The following DCLK2 variants were observed in gnomAD, a reference collection of about 807,000 sequenced individuals.
The protein encoded by DCLK2 is serine/threonine-protein kinase DCLK2.
Under a neutral mutation model 78.4 loss-of-function variants are expected in DCLK2, and 31 were observed. The observed-to-expected ratio is 0.40, with a 90% CI of 0.30 to 0.53. DCLK2 has a LOEUF of 0.53. Among genes scored for constraint, DCLK2 ranks in the 20% least tolerant of loss-of-function variants. DCLK2 has a pLI of 0.61. For missense variants in DCLK2, 872 were observed against 973.7 expected (o/e 0.90, Z 1.39); for synonymous variants, 407 against 374.9 (o/e 1.09, Z -0.99).
At chr4:150,203,948 T>C (rs1481603878) in intron 5 of DCLK2, 59 bp downstream of exon 5, 13 of 1,511,106 alleles carry the variant, frequency 8.6e-6, no homozygotes, top group African/African-American at 1.4e-5. Flanking sequence ...TTTCATAGTT[T>C]AGCAGTTTAA....
chr4:150,253,584 G>A (rs933782094), intron 15 of DCLK2: 52 of 1,289,294 alleles, frequency 4.0e-5, no homozygotes, highest in South Asian at 1.4e-4. Context: ...TCCGACCAGC[G>A]CGCCCCATCC....
intron 2 of DCLK2, among the ~76,000 whole-genome samples, chr4:150,161,711 T>A (rs1735717446): frequency 6.6e-6 from 1 of 152,190 alleles, no homozygotes; most frequent in African/African-American, 2.4e-5. Flanking sequence ...TTTGTAAGTA[T>A]TTTATTACAT....
intron 11 of DCLK2, among the ~76,000 whole-genome samples, chr4:150,240,124 A>G (rs1173062080): frequency 1.3e-5 from 2 of 152,184 alleles, no homozygotes; most frequent in Non-Finnish European, 2.9e-5. Flanking sequence ...GACCTCAGGA[A>G]GCAGATTTTA....
At chr4:150,181,907 A>G (rs955815571) in intron 2 of DCLK2, among the ~76,000 whole-genome samples, 4 of 152,300 alleles carry the variant, frequency 2.6e-5, no homozygotes, top group Non-Finnish European at 5.9e-5. Flanking sequence ...GCCAAGGGTA[A>G]AGAAATGGGG....
chr4:150,109,904 G>A (rs959533247), intron 2 of DCLK2, among the ~76,000 whole-genome samples: 2 of 152,162 alleles, frequency 1.3e-5, no homozygotes, highest in African/African-American at 4.8e-5. Context: ...GTGGAGGGAG[G>A]TAGGGCTTAA....
intron 5 of DCLK2, among the ~76,000 whole-genome samples, chr4:150,211,777 G>A (rs182684633): frequency 8.0e-4 from 122 of 152,040 alleles, no homozygotes; most frequent in African/African-American, 2.5e-3. Context: ...TTTAATGCTC[G>A]TCTTCCTGAT....
chr4:150,098,993 C>T (rs1730680065), intron 1 of DCLK2, among the ~76,000 whole-genome samples: 2 of 152,028 alleles, frequency 1.3e-5, no homozygotes, highest in South Asian at 4.2e-4. Flanking sequence ...CCGTGCCTGG[C>T]CTCTCACACT....
intron 2 of DCLK2, among the ~76,000 whole-genome samples, chr4:150,139,445 A>G (rs903190025): frequency 6.6e-6 from 1 of 152,192 alleles, no homozygotes; most frequent in East Asian, 1.9e-4. Flanking sequence ...CTTTAACTTG[A>G]TAGCCTGGAT....
At chr4:150,189,393 TG>T (rs1233568028) in intron 2 of DCLK2, among the ~76,000 whole-genome samples, 6 of 152,118 alleles carry the variant, frequency 3.9e-5, no homozygotes, top group Non-Finnish European at 8.8e-5. Flanking sequence ...GAACAAGAAC[TG>T]TAAGTAGAAA....
chr4:150,233,700 A>G (rs149547510), intron 10 of DCLK2, among the ~76,000 whole-genome samples: 32 of 152,232 alleles, frequency 2.1e-4, no homozygotes, highest in African/African-American at 5.8e-4. Context: ...TTATTCCACT[A>G]TGGTACCCAG....
At chr4:150,120,154 T>G (rs1225724681) in intron 2 of DCLK2, among the ~76,000 whole-genome samples, 2 of 152,198 alleles carry the variant, frequency 1.3e-5, no homozygotes, top group African/African-American at 4.8e-5. Context: ...GCAAAGTCAG[T>G]ATAGTATTTT....
At chr4:150,083,532 A>G (rs1361019803) in intron 1 of DCLK2, among the ~76,000 whole-genome samples, 2 of 152,190 alleles carry the variant, frequency 1.3e-5, no homozygotes, top group Admixed American at 1.3e-4. Flanking sequence ...TGTTAAATAA[A>G]CCAAAATACG....
At chr4:150,152,008 T>A (rs1051785759) in intron 2 of DCLK2, among the ~76,000 whole-genome samples, 1 of 152,176 alleles carries the variant, frequency 6.6e-6, no homozygotes, top group Non-Finnish European at 1.5e-5. Context: ...AGTATTAAGG[T>A]TGTTATTGTA....
chr4:150,193,368 T>C, intron 3 of DCLK2, 128 bp downstream of exon 3: 1 of 509,298 alleles, frequency 2.0e-6, no homozygotes, highest in South Asian at 4.7e-5. Context: ...GCATTGGCAG[T>C]ACAATTTTTG....
chr4:150,169,907 T>G (rs1736385552), intron 2 of DCLK2, among the ~76,000 whole-genome samples: 2 of 152,210 alleles, frequency 1.3e-5, no homozygotes, highest in African/African-American at 4.8e-5. Context: ...AGTAGGGACT[T>G]AAAATACAGA....
At chr4:150,198,921 C>CCT (rs1553967932) in intron 4 of DCLK2, 2 of 605,954 alleles carry the variant, frequency 3.3e-6, no homozygotes, top group Non-Finnish European at 5.5e-6. Flanking sequence ...CCCCCCCCCC[C>CCT]ACTTTCTGTA....
chr4:150,214,345 A>T (rs1740521113), intron 5 of DCLK2, among the ~76,000 whole-genome samples: 1 of 152,176 alleles, frequency 6.6e-6, no homozygotes, highest in South Asian at 2.1e-4. Flanking sequence ...AAATCTTCCT[A>T]TGTGATTCTA....
At chr4:150,079,573 T>A (rs1408251015) in intron 1 of DCLK2, 125 bp downstream of exon 1, 2 of 1,005,182 alleles carry the variant, frequency 2.0e-6, no homozygotes, top group East Asian at 2.8e-5. Context: ...TGCTTCTGTC[T>A]GCTTCTCTAG....
chr4:150,255,636 T>C (rs1209875276), intron 15 of DCLK2, among the ~76,000 whole-genome samples: 10 of 152,242 alleles, frequency 6.6e-5, no homozygotes, highest in Non-Finnish European at 1.5e-4. Flanking sequence ...CAGAGAGCTT[T>C]ATTTGGAAGA....
Sources: allele counts gnomAD v4.1 joint callset (sites outside exome capture counted in the v4.1 genomes callset), GRCh38; gene constraint gnomAD v4.1.1; transcripts MANE v1.5; gene names NCBI Gene and HGNC (gene_info 2026-07-23, HGNC 2026-07-21).